BCKDHA: variants seen among roughly 807,000 people sequenced by gnomAD.
BCKDHA encodes the protein 2-oxoisovalerate dehydrogenase subunit alpha, mitochondrial.
In BCKDHA, 43 loss-of-function variants were observed where a neutral mutation model predicts 52.2. The observed-to-expected ratio is 0.82, with a 90% CI of 0.64 to 1.06. BCKDHA has a LOEUF of 1.06. BCKDHA is among the 50% of genes least tolerant of loss of function. BCKDHA has a pLI of 0.00. For synonymous variants in BCKDHA, 234 were observed against 247.9 expected (o/e 0.94, Z 0.53); for missense variants, 527 against 621.3 (o/e 0.85, Z 1.61).
At chr19:41,410,598 G>A (rs1426980347) in intron 1 of BCKDHA, 39 bp from the exon 2 acceptor site, 1 of 1,612,952 alleles carries the variant, frequency 6.2e-7, no homozygotes, top group Non-Finnish European at 8.5e-7. Context: ...CCTGGGTGCT[G>A]CTTCTGATGC....
chr19:41,408,845 G>C (rs1423864744), intron 1 of BCKDHA, among the ~76,000 whole-genome samples: 2 of 152,070 alleles, frequency 1.3e-5, no homozygotes, highest in African/African-American at 4.8e-5. Flanking sequence ...GGGCTCACCT[G>C]GGCTCAAGTA....
chr19:41,411,059 C>T, intron 3 of BCKDHA, 50 bp downstream of exon 3: 1 of 1,590,672 alleles, frequency 6.3e-7, no homozygotes, highest in Non-Finnish European at 8.6e-7. Flanking sequence ...CCTGAGGTCC[C>T]CTACCTGTGT....
rs2039405927 is a variant in BCKDHA at position 41,424,492 on chromosome 19, C to G, written c.1222C>G (p.Leu408Val). Reference protein sequence around the residue: ...ERKPKPNPNLLFSDVYQEMPA... With the variant: ...ERKPKPNPNLVFSDVYQEMPA... ...GAAGCCCAAACCCAACCCCAACCTA[C>G]TCTTCTCAGACGTGTATCAGGAGAT... Residue 408 changes from leucine to valine, a missense_variant, in exon 9 of 9, where the codon CTC becomes GTC. Physicochemically the swap from Leu to Val is conservative, Grantham distance 32. Transcript: ENST00000269980. 6.2e-7 allele frequency: 1 copy of G among 1,614,060 alleles called. No individual in the cohort carries two copies. The highest frequency in any genetic ancestry group is 8.5e-7 in the Non-Finnish European group (1 of 1,180,032).
At chr19:41,404,490 C>T (rs2123243505) in intron 1 of BCKDHA, among the ~76,000 whole-genome samples, 1 of 151,842 alleles carries the variant, frequency 6.6e-6, no homozygotes, top group South Asian at 2.1e-4. Flanking sequence ...AGGGTTTCAC[C>T]TTATTAGCCA....
At chr19:41,403,394 T>C (rs1046967381) in intron 1 of BCKDHA, among the ~76,000 whole-genome samples, 2 of 152,198 alleles carry the variant, frequency 1.3e-5, no homozygotes, top group Admixed American at 6.5e-5. Context: ...GATGGAGTTA[T>C]GATAACAGTG....
chr19:41,402,985 C>T (rs912533499), intron 1 of BCKDHA, among the ~76,000 whole-genome samples: 6 of 152,068 alleles, frequency 3.9e-5, no homozygotes, highest in Non-Finnish European at 5.9e-5. Flanking sequence ...CACTTCAGTC[C>T]CCCTGGCCAT....
In BCKDHA at chr19:41,415,983, G is replaced by T. The variant is rs12979462; in HGVS notation, c.484+1826G>T. On this transcript the variant is annotated intron_variant, in intron 4 of 8. Coordinates refer to ENST00000269980, the MANE Select transcript of BCKDHA (RefSeq NM_000709.4). The stretch of plus-strand genomic sequence containing the variant: ...TTTTGAGGTGGAGTCTCACTCTGTC[G>T]CCCAGGCTGGAGTACGGTGGCGCAG... 8.3e-4 allele frequency among the ~76,000 whole-genome samples: 120 copies of T among 144,878 alleles called. 1 individual carries two copies. Among genetic ancestry groups the T allele is most frequent in the Admixed American group, 2.2e-3 (31 of 14,190 alleles).
At chr19:41,416,222 G>C (rs1487845236) in intron 4 of BCKDHA, among the ~76,000 whole-genome samples, 3 of 152,208 alleles carry the variant, frequency 2.0e-5, no homozygotes, top group Non-Finnish European at 4.4e-5. Flanking sequence ...GGGGATTACA[G>C]GCATGAGCCA....
At chr19:41,422,800 C>T in intron 7 of BCKDHA, 30 bp downstream of exon 7, 1 of 1,611,954 alleles carries the variant, frequency 6.2e-7, no homozygotes, top group Non-Finnish European at 8.5e-7. Flanking sequence ...TCAGCACCCC[C>T]ACAGCACTGA....
Position 41,423,030 on chromosome 19 carries a change from C to T in BCKDHA, c.1028C>T (p.Ser343Leu), listed in dbSNP as rs774735002. The change falls in exon 8 of 9, where the codon TCA (serine) becomes TTA (leucine). Residue 343 changes from serine to leucine, a missense_variant. By Grantham distance (145) the Ser-to-Leu change is moderately radical. Transcript: ENST00000269980. ...IGHHSTSDDS[S>L]AYRSVDEVNY... Reference sequence around the variant, plus strand: ...CACCACAGCACCAGTGACGACAGTTCAGCGTACCGCTCGGTGGATGAGGTC... The same window carrying T: ...CACCACAGCACCAGTGACGACAGTTTAGCGTACCGCTCGGTGGATGAGGTC... The T allele has an allele frequency of 6.2e-7, 1 of 1,608,768 alleles. No homozygotes were observed. The highest frequency in any genetic ancestry group is 8.5e-7 in the Non-Finnish European group (1 of 1,177,570).
chr19:41,411,241 C>T (rs776308944), intron 3 of BCKDHA, among the ~76,000 whole-genome samples: 42 of 152,150 alleles, frequency 2.8e-4, no homozygotes, highest in Non-Finnish European at 4.7e-4. Flanking sequence ...TGGCTGGGGG[C>T]TCGCCTGTGT....
intron 1 of BCKDHA, among the ~76,000 whole-genome samples, chr19:41,401,094 G>T (rs1424454114): frequency 6.6e-6 from 1 of 151,700 alleles, no homozygotes; most frequent in East Asian, 1.9e-4. Context: ...TTGTTTTTTC[G>T]AGGTGGAGTT....
At chr19:41,409,177 C>T (rs1045408179) in intron 1 of BCKDHA, among the ~76,000 whole-genome samples, 7 of 152,076 alleles carry the variant, frequency 4.6e-5, no homozygotes, top group Admixed American at 2.6e-4. Context: ...CTCAGCCTCC[C>T]GAAGTGTTGG....
chr19:41,401,290 G>A (rs1313631662), intron 1 of BCKDHA, among the ~76,000 whole-genome samples: 1 of 151,814 alleles, frequency 6.6e-6, no homozygotes, highest in African/African-American at 2.4e-5. Context: ...TGATCAGGCT[G>A]GTCTTGAACT....
At position 41,424,649 on chromosome 19, in the gene BCKDHA, A is replaced by G. The variant is rs1422197070; in HGVS notation, c.*41A>G. On this transcript the variant is annotated 3_prime_UTR_variant, in exon 9 of 9. Transcript: ENST00000269980. ...CCCCCACCCATCCTCAGCTACCCCGAGAGGTAGCCCCACTCTAAGGGGAGC... is the reference window on the plus strand; with the variant it reads ...CCCCCACCCATCCTCAGCTACCCCGGGAGGTAGCCCCACTCTAAGGGGAGC... The G allele has an allele frequency of 6.5e-7, 1 of 1,545,364 alleles. No individual in the cohort carries two copies. Among genetic ancestry groups the G allele is most frequent in the East Asian group, 2.3e-5 (1 of 44,164 alleles).
chr19:41,411,352 G>A (rs1200450212), intron 3 of BCKDHA, among the ~76,000 whole-genome samples: 1 of 152,136 alleles, frequency 6.6e-6, no homozygotes, highest in East Asian at 1.9e-4. Flanking sequence ...TGCTCCAGGG[G>A]ACCGCCCTAG....
intron 5 of BCKDHA, 61 bp from the exon 6 acceptor site, chr19:41,422,103 T>C: frequency 6.6e-7 from 1 of 1,512,470 alleles, no homozygotes; most frequent in South Asian, 1.2e-5. Flanking sequence ...CATGTGAGTG[T>C]GAATGAGTGT....
chr19:41,412,799 G>A (rs1217612950), intron 3 of BCKDHA, among the ~76,000 whole-genome samples: 1 of 152,004 alleles, frequency 6.6e-6, no homozygotes, highest in African/African-American at 2.4e-5. Flanking sequence ...CGCCTCCCAG[G>A]TTCAAGTGAT....
intron 3 of BCKDHA, among the ~76,000 whole-genome samples, chr19:41,411,323 T>C (rs977931963): frequency 6.6e-6 from 1 of 151,994 alleles, no homozygotes; most frequent in Non-Finnish European, 1.5e-5. Context: ...ACAGGGTGGG[T>C]CCCCAGTGCT....
Sources: allele counts gnomAD v4.1 joint callset (sites outside exome capture counted in the v4.1 genomes callset), GRCh38; gene constraint gnomAD v4.1.1; transcripts MANE v1.5; gene names NCBI Gene and HGNC (gene_info 2026-07-23, HGNC 2026-07-21).